Variants in HSF1 observed in about 807,000 individuals in gnomAD.
The protein encoded by HSF1 is heat shock factor protein 1.
In HSF1, 32 loss-of-function variants were observed where a neutral mutation model predicts 51.7. The ratio of observed to expected loss-of-function variants is 0.62; its 90% CI spans 0.47 to 0.83. HSF1 has a LOEUF of 0.83. HSF1 is among the 40% of genes least tolerant of loss of function. The probability of loss-of-function intolerance (pLI) is 0.00; values close to 1 mark genes in which losing one functional copy is unlikely to be tolerated. For synonymous variants in HSF1, 396 were observed against 309.7 expected (o/e 1.28, Z -2.92); for missense variants, 727 against 717.0 (o/e 1.01, Z -0.16).
chr8:144,313,232 G>T, intron 9 of HSF1: 1 of 472,510 alleles, frequency 2.1e-6, no homozygotes, highest in Non-Finnish European at 3.8e-6. Context: ...TTGTGCTGGA[G>T]CTGAATACGC....
chr8:144,313,525 A>G lies in HSF1; in HGVS notation c.1157A>G (p.Asp386Gly). ...TCCCGGGCCAGGAATGAGCTCAGTG[A>G]CCACTTGGATGCTATGGACTCCAAC... ...VACLDKNELSDHLDAMDSNLD... is the reference protein window; with the variant it reads ...VACLDKNELSGHLDAMDSNLD... Residue 386 changes from aspartate (D) to glycine (G), a missense_variant, in exon 10 of 13, where the codon GAC becomes GGC. By Grantham distance (94) the Asp-to-Gly change is moderately conservative. Coordinates refer to ENST00000528838, the MANE Select transcript of HSF1 (RefSeq NM_005526.4). 1.2e-6 allele frequency: 2 copies of G among 1,610,792 alleles called. No individual in the cohort carries two copies. The highest frequency in any genetic ancestry group is 1.7e-6 in the Non-Finnish European group (2 of 1,178,082).
At chr8:144,298,723 T>G (rs559527038) in intron 1 of HSF1, among the ~76,000 whole-genome samples, 2 of 152,218 alleles carry the variant, frequency 1.3e-5, no homozygotes, top group African/African-American at 4.8e-5. Flanking sequence ...AACCCAGACT[T>G]TGGGGCAGCT....
At chr8:144,301,065 A>G (rs782153031) in intron 1 of HSF1, among the ~76,000 whole-genome samples, 1 of 152,206 alleles carries the variant, frequency 6.6e-6, no homozygotes, top group Admixed American at 6.5e-5. Context: ...TCAAGGACAT[A>G]ATATCATGTG....
rs151249674 is a variant in HSF1 at position 144,306,039 on chromosome 8, T to C, written c.118-2867T>C. On this transcript the variant is annotated intron_variant, in intron 1 of 12. Transcript: ENST00000528838. Reference sequence around the variant, plus strand: ...GAGCCACCGCGCCCGGCCCCTCTGGTTGACTTTTAATCTGAGTTATTAAAC... The same window carrying C: ...GAGCCACCGCGCCCGGCCCCTCTGGCTGACTTTTAATCTGAGTTATTAAAC... Among the ~76,000 whole-genome samples the C allele has an allele frequency of 5.7e-3, 861 of 152,258 alleles. 6 individuals carry two copies. Among genetic ancestry groups the C allele is most frequent in the African/African-American group, 0.02 (818 of 41,548 alleles).
intron 1 of HSF1, among the ~76,000 whole-genome samples, chr8:144,308,303 C>G (rs1201524523): frequency 6.6e-6 from 1 of 152,266 alleles, no homozygotes; most frequent in Non-Finnish European, 1.5e-5. Flanking sequence ...CTCACCAGCG[C>G]CTCCTGATAG....
At chr8:144,311,122 G>A (rs1472568153) in intron 4 of HSF1, 52 bp from the exon 5 acceptor site, 3 of 1,525,702 alleles carry the variant, frequency 2.0e-6, no homozygotes, top group Non-Finnish European at 1.8e-6. Context: ...GGCTCCCTCA[G>A]CCCTGGGGCT....
At chr8:144,292,402 G>A (rs1170747839) in intron 1 of HSF1, 1 of 152,350 alleles carries the variant, frequency 6.6e-6, no homozygotes, top group Admixed American at 6.5e-5. Flanking sequence ...GCCCGTTTCC[G>A]AATCCCAAAT....
chr8:144,311,049 G>C lies in HSF1; in HGVS notation c.489-125G>C, dbSNP rs756285321. On this transcript the variant is annotated intron_variant, in intron 4 of 12. Transcript: ENST00000528838. ...ACACACAAGTTCTCATCCTGGGGTGGGCCAGGCCAGACATGGTCACACTTA... is the reference window on the plus strand; with the variant it reads ...ACACACAAGTTCTCATCCTGGGGTGCGCCAGGCCAGACATGGTCACACTTA... The C allele has an allele frequency of 1.8e-3, 1,520 of 866,610 alleles. 10 individuals carry two copies. The highest frequency in any genetic ancestry group is 0.012 in the Middle Eastern group (36 of 2,922). The allele number at this position is 866,610 out of a possible 1,614,324, so 53.7% of individuals were successfully genotyped here. A position where few individuals can be genotyped will look rare whatever the true frequency, so the allele number is the denominator to read the frequency against.
chr8:144,314,421 C>A lies in HSF1; in HGVS notation c.*91C>A. 1 of 1,178,704 alleles carries A rather than the reference C, an allele frequency of 8.5e-7. No individual in the cohort carries two copies. 73.0% of individuals were successfully genotyped at this position (1,178,704 alleles called of 1,614,324 possible). A position where few individuals can be genotyped will look rare whatever the true frequency, so the allele number is the denominator to read the frequency against. On this transcript the variant is annotated 3_prime_UTR_variant, in exon 13 of 13. Coordinates refer to ENST00000528838, the MANE Select transcript of HSF1 (RefSeq NM_005526.4). ...CAGGGCAGCCTCGCGGTCTTGGGCA[C>A]TGGTGGGTCGGCCGCCATAGCCCCA...
At chr8:144,306,847 G>A (rs555829379) in intron 1 of HSF1, among the ~76,000 whole-genome samples, 1 of 152,370 alleles carries the variant, frequency 6.6e-6, no homozygotes, top group Admixed American at 6.5e-5. Context: ...AGTTAACTGA[G>A]ATAGGTGGTG....
In HSF1 at chr8:144,313,567, C is replaced by T. The variant is rs782627722; in HGVS notation, c.1199C>T (p.Thr400Ile). 2 of 1,611,920 alleles carry T rather than the reference C, an allele frequency of 1.2e-6. No individual in the cohort carries two copies. The highest frequency in any genetic ancestry group is 2.2e-5 in the South Asian group (2 of 91,086). Reference protein sequence around the residue: ...AMDSNLDNLQTMLSSHGFSVD... With the variant: ...AMDSNLDNLQIMLSSHGFSVD... ...GACTCCAACCTGGATAACCTGCAGACCATGCTGAGCAGCCACGGCTTCAGC... is the reference window on the plus strand; with the variant it reads ...GACTCCAACCTGGATAACCTGCAGATCATGCTGAGCAGCCACGGCTTCAGC... The change falls in exon 10 of 13, where the codon ACC becomes ATC. Residue 400 changes from threonine (T) to isoleucine (I), a missense_variant. Physicochemically the swap from Thr to Ile is moderately conservative, Grantham distance 89 (BLOSUM62 -1). Around this residue, in one of 2 missense-constraint regions of HSF1, gnomAD observed 470 missense variants for 398.8 expected, o/e 1.18. Coordinates refer to ENST00000528838, the MANE Select transcript of HSF1 (RefSeq NM_005526.4).
chr8:144,312,872 C>A lies in HSF1; in HGVS notation c.1142+628C>A, dbSNP rs1249504815. The A allele has an allele frequency of 4.6e-6, 3 of 648,796 alleles. No individual in the cohort carries two copies. The African/African-American group carries it at 5.4e-5, about 12-fold the overall frequency. 40.2% of individuals were successfully genotyped at this position (648,796 alleles called of 1,614,324 possible). A position where few individuals can be genotyped will look rare whatever the true frequency, so the allele number is the denominator to read the frequency against. ...CGGGGGCTCAGTGTCGTCATGGCTCCCCTGGCCACGGGCCTGTGGTCATTG... is the reference window on the plus strand; with the variant it reads ...CGGGGGCTCAGTGTCGTCATGGCTCACCTGGCCACGGGCCTGTGGTCATTG... On this transcript the variant is annotated intron_variant, in intron 9 of 12. Transcript: ENST00000528838.
intron 1 of HSF1, among the ~76,000 whole-genome samples, chr8:144,292,806 C>CA (rs565194201): frequency 6.6e-6 from 1 of 152,140 alleles, no homozygotes; most frequent in Admixed American, 6.5e-5. Context: ...ACTAAAAATA[C>CA]AAAAAATTTG....
intron 9 of HSF1, 67 bp from the exon 10 acceptor site, chr8:144,313,444 C>A (rs905745501): frequency 9.4e-6 from 10 of 1,061,582 alleles, no homozygotes; most frequent in Non-Finnish European, 1.5e-5. Context: ...GAGCCCTTCT[C>A]CCACAGGAGG....
intron 1 of HSF1, among the ~76,000 whole-genome samples, chr8:144,304,472 G>T (rs1816085604): frequency 6.6e-6 from 1 of 152,156 alleles, no homozygotes. Flanking sequence ...TAGAGATGGG[G>T]TCTCGCTATG....
At chr8:144,296,915 C>T (rs1293132685) in intron 1 of HSF1, among the ~76,000 whole-genome samples, 3 of 123,836 alleles carry the variant, frequency 2.4e-5, no homozygotes, top group Non-Finnish European at 3.4e-5. Flanking sequence ...TCCTCTGCCC[C>T]GGATGGTGTG....
chr8:144,300,879 G>T lies in HSF1; in HGVS notation c.118-8027G>T, dbSNP rs533484623. ...ACACAAAGGCAGGATGTTAATGATG[G>T]GGGACACTGGTGTAGGGCATGTATT... On this transcript the variant is annotated intron_variant, in intron 1 of 12. Transcript: ENST00000528838. Among the ~76,000 whole-genome samples the T allele has an allele frequency of 5.1e-4, 77 of 152,056 alleles. 1 individual carries two copies. Among genetic ancestry groups the T allele is most frequent in the Admixed American group, 5.0e-3 (76 of 15,236 alleles).
chr8:144,293,995 C>T (rs1490413874), intron 1 of HSF1, among the ~76,000 whole-genome samples: 2 of 151,910 alleles, frequency 1.3e-5, no homozygotes, highest in Non-Finnish European at 2.9e-5. Flanking sequence ...TGATGAGGCC[C>T]GTGGCCAGCC....
In HSF1 at chr8:144,313,571, G is replaced by A. The variant is rs1456357582; in HGVS notation, c.1203G>A (p.Met401Ile). 19 of 1,611,790 alleles carry A rather than the reference G, an allele frequency of 1.2e-5. No homozygotes were observed. Among genetic ancestry groups the A allele is most frequent in the Non-Finnish European group, 1.6e-5 (19 of 1,179,274 alleles). The change falls in exon 10 of 13, where the codon ATG becomes ATA. Residue 401 changes from methionine (M) to isoleucine (I), a missense_variant. By Grantham distance (10) the Met-to-Ile change is conservative. Around this residue, in one of 2 missense-constraint regions of HSF1, gnomAD observed 470 missense variants for 398.8 expected, o/e 1.18. Coordinates refer to ENST00000528838, the MANE Select transcript of HSF1 (RefSeq NM_005526.4). ...MDSNLDNLQT[M>I]LSSHGFSVDT... ...CCAACCTGGATAACCTGCAGACCAT[G>A]CTGAGCAGCCACGGCTTCAGCGTGG...
Sources: allele counts gnomAD v4.1 joint callset (sites outside exome capture counted in the v4.1 genomes callset), GRCh38; gene constraint gnomAD v4.1.1; regional missense constraint gnomAD v4.1.1; transcripts MANE v1.5; gene names NCBI Gene and HGNC (gene_info 2026-07-23, HGNC 2026-07-21).